GRM5: variants seen among roughly 807,000 people sequenced by gnomAD.
GRM5 encodes the protein metabotropic glutamate receptor 5.
Under a neutral mutation model 83.1 loss-of-function variants are expected in GRM5, and 19 were observed. The observed-to-expected ratio is 0.23, with a 90% confidence interval of 0.16 to 0.34. The LOEUF is 0.34. GRM5 is among the 10% of genes least tolerant of loss of function. The pLI is 1.00. For synonymous variants in GRM5, 675 were observed against 633.6 expected (o/e 1.07, Z -0.98); for missense variants, 1,160 against 1,588.3 (o/e 0.73, Z 4.58).
chr11:88,980,114 A>C (rs1302939063), intron 2 of GRM5, among the ~76,000 whole-genome samples: 1 of 152,204 alleles, frequency 6.6e-6, no homozygotes, highest in African/African-American at 2.4e-5. Flanking sequence ...GCAGACTTCT[A>C]TCCACAGACT....
intron 4 of GRM5, among the ~76,000 whole-genome samples, chr11:88,635,671 A>G (rs1216608168): frequency 6.6e-6 from 1 of 152,104 alleles, no homozygotes; most frequent in East Asian, 1.9e-4. Context: ...TTTGCTGTGC[A>G]TGAGCTTTCT....
chr11:88,582,131 T>C (rs1943223509), intron 7 of GRM5, among the ~76,000 whole-genome samples: 1 of 152,212 alleles, frequency 6.6e-6, no homozygotes, highest in South Asian at 2.1e-4. Flanking sequence ...GGATACTTAA[T>C]GTATTGAAAT....
At chr11:88,985,794 A>T (rs1379116469) in intron 2 of GRM5, among the ~76,000 whole-genome samples, 2 of 152,140 alleles carry the variant, frequency 1.3e-5, no homozygotes, top group Admixed American at 6.5e-5. Flanking sequence ...ATCTATGTCA[A>T]ATAGGGTTAG....
At chr11:88,601,160 C>G (rs549819302) in intron 5 of GRM5, among the ~76,000 whole-genome samples, 1 of 152,148 alleles carries the variant, frequency 6.6e-6, no homozygotes, top group Non-Finnish European at 1.5e-5. Flanking sequence ...GACTATGCAA[C>G]CTTGGACATG....
chr11:88,985,935 C>A (rs1253971635), intron 2 of GRM5, among the ~76,000 whole-genome samples: 1 of 152,088 alleles, frequency 6.6e-6, no homozygotes, highest in Non-Finnish European at 1.5e-5. Context: ...ATGTCCAACT[C>A]TGGAAAACAT....
intron 8 of GRM5, among the ~76,000 whole-genome samples, chr11:88,558,680 T>C (rs752956930): frequency 1.3e-5 from 2 of 151,020 alleles, no homozygotes; most frequent in African/African-American, 2.4e-5. Context: ...TGCGCGCTTA[T>C]AGTCCCACAA....
At chr11:88,703,478 A>G (rs1333773380) in intron 3 of GRM5, among the ~76,000 whole-genome samples, 1 of 152,044 alleles carries the variant, frequency 6.6e-6, no homozygotes, top group Non-Finnish European at 1.5e-5. Context: ...ACCTAGTTCA[A>G]TTAGGGGTTT....
At chr11:88,839,085 C>T (rs1265552786) in intron 3 of GRM5, among the ~76,000 whole-genome samples, 1 of 152,150 alleles carries the variant, frequency 6.6e-6, no homozygotes, top group African/African-American at 2.4e-5. Context: ...AATGCCACCC[C>T]TTCCCACATT....
intron 2 of GRM5, among the ~76,000 whole-genome samples, chr11:88,881,419 G>A (rs1368675359): frequency 7.3e-6 from 1 of 136,276 alleles, no homozygotes; most frequent in African/African-American, 2.5e-5. Flanking sequence ...TTACTTGGCA[G>A]AGGGCAAAAG....
At chr11:88,778,320 A>G (rs1051064300) in intron 3 of GRM5, among the ~76,000 whole-genome samples, 6 of 152,212 alleles carry the variant, frequency 3.9e-5, no homozygotes, top group Admixed American at 2.6e-4. Flanking sequence ...AAAGCACAGT[A>G]TTTTGGCAGG....
chr11:88,913,565 T>A (rs1190276960), intron 2 of GRM5, among the ~76,000 whole-genome samples: 5 of 29,744 alleles, frequency 1.7e-4, no homozygotes, highest in African/African-American at 4.8e-4. Context: ...CATATCTTCT[T>A]TTTTTTTCCT....
chr11:88,995,105 A>T (rs1940136548), intron 2 of GRM5, among the ~76,000 whole-genome samples: 1 of 152,190 alleles, frequency 6.6e-6, no homozygotes, highest in African/African-American at 2.4e-5. Flanking sequence ...CAGAACAATG[A>T]TGATACTGAA....
chr11:88,612,920 T>A (rs1938366118), intron 4 of GRM5: 1 of 152,250 alleles, frequency 6.6e-6, no homozygotes, highest in African/African-American at 2.4e-5. Context: ...ACTCAAAGAA[T>A]TTTTTGATTT....
chr11:88,589,079 A>C (rs1183690743), intron 7 of GRM5, among the ~76,000 whole-genome samples: 1 of 152,200 alleles, frequency 6.6e-6, no homozygotes, highest in African/African-American at 2.4e-5. Flanking sequence ...CATGCAAGTT[A>C]GTTGACGATG....
chr11:88,937,915 G>A (rs1247625541), intron 2 of GRM5, among the ~76,000 whole-genome samples: 1 of 151,688 alleles, frequency 6.6e-6, no homozygotes, highest in Admixed American at 6.6e-5. Flanking sequence ...CAGTTGTAAT[G>A]ATTCAATAAC....
intron 2 of GRM5, among the ~76,000 whole-genome samples, chr11:88,904,326 A>G (rs1945368040): frequency 6.6e-6 from 1 of 152,286 alleles, no homozygotes; most frequent in Non-Finnish European, 1.5e-5. Flanking sequence ...TACTTTAAAA[A>G]CATTTTCTCA....
intron 2 of GRM5, among the ~76,000 whole-genome samples, chr11:88,865,293 A>G (rs1319607225): frequency 6.6e-6 from 1 of 152,162 alleles, no homozygotes; most frequent in Non-Finnish European, 1.5e-5. Context: ...AAACCTGACA[A>G]AAACAAGCAA....
At chr11:88,532,864 T>G (rs1591328516) in intron 8 of GRM5, among the ~76,000 whole-genome samples, 1 of 152,158 alleles carries the variant, frequency 6.6e-6, no homozygotes, top group East Asian at 1.9e-4. Flanking sequence ...AGAACAGACT[T>G]TTTTGTAATC....
intron 3 of GRM5, among the ~76,000 whole-genome samples, chr11:88,678,337 A>G (rs1940389813): frequency 6.6e-6 from 1 of 151,988 alleles, no homozygotes. Context: ...GGTATTATGG[A>G]TGTGAGCCAT....
Sources: allele counts gnomAD v4.1 joint callset (sites outside exome capture counted in the v4.1 genomes callset), GRCh38; gene constraint gnomAD v4.1.1; transcripts MANE v1.5; gene names NCBI Gene and HGNC (gene_info 2026-07-23, HGNC 2026-07-21).